The following MCM3AP variants were observed in gnomAD, a reference collection of about 807,000 sequenced individuals.
MCM3AP encodes the protein germinal-center associated nuclear protein.
In MCM3AP, 126 loss-of-function variants were observed where a neutral mutation model predicts 184.1. That is an observed-to-expected ratio of 0.68 (90% CI 0.59 to 0.79). The LOEUF (loss-of-function observed/expected upper bound fraction) is 0.79, where lower values mean the gene tolerates loss of function less well. Ranked by LOEUF, MCM3AP falls within the 30% of genes least tolerant of loss-of-function variation. MCM3AP has a pLI of 0.00. For synonymous variants in MCM3AP, 1,002 were observed against 979.3 expected (o/e 1.02, Z -0.43); for missense variants, 2,496 against 2,479.2 (o/e 1.01, Z -0.14).
In MCM3AP at chr21:46,246,372, G is replaced by A. The variant is rs2080769508; in HGVS notation, c.4582C>T (p.Leu1528=). ...TCGGTAACAGTGTAATCTGAAATCA[G>A]CTTAGCTGAAACCAAGTCCTGTAGC... The part of the protein sequence containing the change: ...LMLQDLVSAK[L]ISDYTVTEIP... Residue 1528 remains leucine (L), a synonymous_variant, in exon 22 of 28, where the codon CTG becomes TTG. Transcript: ENST00000291688. 9.3e-6 allele frequency: 15 copies of A among 1,612,734 alleles called. No homozygotes were observed. Among genetic ancestry groups the A allele is most frequent in the Non-Finnish European group, 1.2e-5 (14 of 1,178,768 alleles).
In MCM3AP at chr21:46,270,409, A is replaced by T. The variant is rs1260483291; in HGVS notation, c.2620T>A (p.Phe874Ile). The change falls in exon 9 of 28, where the codon TTC becomes ATC. Residue 874 changes from phenylalanine (F) to isoleucine (I), a missense_variant. Phe to Ile is a conservative substitution (Grantham distance 21). Transcript: ENST00000291688. Reference sequence around the variant, plus strand: ...ACAGCTCATTTACTCACCTGACTGAAGTAACAGTGTAAAAGACAAGCGTTC... The same window carrying T: ...ACAGCTCATTTACTCACCTGACTGATGTAACAGTGTAAAAGACAAGCGTTC... ...YLNACLLHCY[F>I]SQIRKDALRA... The T allele has an allele frequency of 6.2e-7, 1 of 1,611,812 alleles. No homozygotes were observed. The highest frequency in any genetic ancestry group is 8.5e-7 in the Non-Finnish European group (1 of 1,179,286).
At chr21:46,253,231 T>C (rs2080899815) in intron 19 of MCM3AP, 1 of 152,232 alleles carries the variant, frequency 6.6e-6, no homozygotes, top group Admixed American at 6.5e-5. Flanking sequence ...ATTTTTTCTT[T>C]TTTAAAATGC....
chr21:46,236,770 C>A, intron 27 of MCM3AP, 59 bp downstream of exon 27: 1 of 1,190,280 alleles, frequency 8.4e-7, no homozygotes, highest in South Asian at 1.5e-5. Flanking sequence ...CTTTTTTCCC[C>A]AGCCATTCTC....
At chr21:46,246,266 C>A in intron 22 of MCM3AP, 41 bp downstream of exon 22, 1 of 1,321,436 alleles carries the variant, frequency 7.6e-7, no homozygotes, top group Non-Finnish European at 1.1e-6. Context: ...GGGGAAAAAA[C>A]AAAATATCTT....
rs1432849960 is a variant in MCM3AP, at chr21:46,244,808, C to T, written c.5037G>A (p.Gly1679=). ...QLPQMDLPPL[G]APWLPVCSMV... is the part of the protein sequence containing the mutation. ...GACCTCCCCAGGTCAAGCACGTACC[C>T]CCCAGGGGTGGAAGGTCCATCTGCG... Residue 1679 remains glycine, a splice_region_variant and synonymous_variant, in exon 23 of 28, where the codon GGG becomes GGA. Coordinates refer to ENST00000291688, the MANE Select transcript of MCM3AP (RefSeq NM_003906.5). The T allele has an allele frequency of 6.2e-7, 1 of 1,610,686 alleles. No individual in the cohort carries two copies. The highest frequency in any genetic ancestry group is 2.2e-5 in the East Asian group (1 of 44,848).
At chr21:46,278,940 T>A (rs1340851165) in intron 4 of MCM3AP, among the ~76,000 whole-genome samples, 2 of 47,214 alleles carry the variant, frequency 4.2e-5, no homozygotes, top group Non-Finnish European at 7.8e-5. Context: ...CCCAAAGTGC[T>A]GGGATTACAG....
In MCM3AP at chr21:46,260,905, A is replaced by G. The variant is rs191354648; in HGVS notation, c.3469T>C (p.Leu1157=). The change falls in exon 15 of 28, where the codon TTG becomes CTG. Residue 1157 remains leucine (L), a splice_region_variant and synonymous_variant. Transcript: ENST00000291688. The stretch of plus-strand genomic sequence containing the variant: ...AACACCAGCTCTCTCTCTTGTTTCA[A>G]CCTACAGGGAAGAGAAAAAATACAC... ...QERQRAEEER[L]KQERELVLSE... is the part of the protein sequence containing the mutation. 6 of 1,604,560 alleles carry G rather than the reference A, an allele frequency of 3.7e-6. No individual in the cohort carries two copies. The African/African-American group carries it at 5.3e-5, about 14-fold the overall frequency.
intron 5 of MCM3AP, among the ~76,000 whole-genome samples, chr21:46,276,937 TG>T (rs1237232120): frequency 6.6e-6 from 1 of 151,110 alleles, no homozygotes; most frequent in Non-Finnish European, 1.5e-5. Context: ...ATTGTAGAGA[TG>T]GGGGTTTTGC....
intron 8 of MCM3AP, 80 bp from the exon 9 acceptor site, chr21:46,270,643 TAA>T (rs2081166940): frequency 2.4e-6 from 3 of 1,263,004 alleles, no homozygotes; most frequent in East Asian, 4.8e-5. Context: ...ATCTGATAAA[TAA>T]TAGATTTCAC....
intron 15 of MCM3AP, among the ~76,000 whole-genome samples, chr21:46,259,904 CAAAAAAAA>C (rs58993039): frequency 5.7e-4 from 46 of 80,258 alleles, no homozygotes; most frequent in African/African-American, 2.1e-3. Flanking sequence ...AACTCCATTT[CAAAAAAAA>C]AAAAAAAAAA....
rs35615371 is a variant in MCM3AP, at chr21:46,253,751, G to A, written c.4136+641C>T. The stretch of plus-strand genomic sequence containing the variant: ...GTTAAGTGTGTGGCAACTCACCCTC[G>A]CTGTTCTCATGATAGTGAGCTCTCA... On this transcript the variant is annotated intron_variant, in intron 19 of 27. Transcript: ENST00000291688. 8.7e-3 allele frequency: 1,324 copies of A among 152,378 alleles called. 11 individuals are homozygous for A. Among genetic ancestry groups the A allele is most frequent in the Non-Finnish European group, 0.015 (1,014 of 68,456 alleles). 9.4% of individuals were successfully genotyped at this position (152,378 alleles called of 1,614,324 possible).
rs904630794 is a variant in MCM3AP at position 46,273,520 on chromosome 21, G to A, written c.2064C>T (p.Pro688=). 3 of 1,613,902 alleles carry A rather than the reference G, an allele frequency of 1.9e-6. No homozygotes were observed. In the South Asian group the frequency reaches 3.3e-5, roughly 18 times the overall value. The change falls in exon 7 of 28, where the codon CCC becomes CCT. Residue 688 remains proline (P), a synonymous_variant. Transcript: ENST00000291688. Reference sequence around the variant, plus strand: ...GCACTGGCAAGGGCCGCAGCTCGTGGGGCAGGGGCTCCTCCTGATCCGCCG... The same window carrying A: ...GCACTGGCAAGGGCCGCAGCTCGTGAGGCAGGGGCTCCTCCTGATCCGCCG... ...RSSADQEEPL[P]HELRPLPVLS...
chr21:46,255,232 CAG>C (rs10571945), intron 17 of MCM3AP, among the ~76,000 whole-genome samples: 2,122 of 152,242 alleles, frequency 0.014, 39 homozygotes, highest in African/African-American at 0.038. Flanking sequence ...CTGAAGGAAA[CAG>C]GGGGAGCCAG....
intron 7 of MCM3AP, among the ~76,000 whole-genome samples, chr21:46,273,082 A>G (rs1200861394): frequency 6.6e-6 from 1 of 151,984 alleles, no homozygotes; most frequent in Non-Finnish European, 1.5e-5. Flanking sequence ...GGTTCAAGCA[A>G]TTCTGCTTCA....
chr21:46,265,441 G>C lies in MCM3AP; in HGVS notation c.3114C>G (p.Pro1038=). The C allele has an allele frequency of 6.2e-7, 1 of 1,614,048 alleles. No homozygotes were observed. Among genetic ancestry groups the C allele is most frequent in the Middle Eastern group, 1.7e-4 (1 of 6,058 alleles). Residue 1038 remains proline, a synonymous_variant, in exon 12 of 28, where the codon CCC becomes CCG. Transcript: ENST00000291688. The stretch of plus-strand genomic sequence containing the variant: ...GGACAGGAGGCAGAGGCACTGGTGA[G>C]GGCGCAGGGGCTGGTAGAGACTGTG... The part of the protein sequence containing the change: ...SLPQSLPAPA[P]SPVPLPPVLA...
chr21:46,239,270 C>G (rs1191858089), intron 26 of MCM3AP, among the ~76,000 whole-genome samples: 1 of 152,236 alleles, frequency 6.6e-6, no homozygotes, highest in Non-Finnish European at 1.5e-5. Flanking sequence ...AGGCTGTAAG[C>G]AAGCAAGTGA....
chr21:46,284,170 C>T lies in MCM3AP; in HGVS notation c.1117G>A (p.Asp373Asn), dbSNP rs558797511. The T allele has an allele frequency of 6.2e-7, 1 of 1,614,220 alleles. No individual in the cohort carries two copies. Among genetic ancestry groups the T allele is most frequent in the Admixed American group, 1.7e-5 (1 of 60,018 alleles). The change falls in exon 1 of 28, where the codon GAC (aspartate) becomes AAC (asparagine). Residue 373 changes from aspartate to asparagine, a missense_variant. By Grantham distance (23) the Asp-to-Asn change is conservative (BLOSUM62 1). This residue lies in a region of MCM3AP where 800 missense variants were observed against 717.1 expected (regional missense o/e 1.12). Transcript: ENST00000291688. ...ETGFVESAES[D>N]HMAIPGGNQS... ...TTCCCTCCTGGGATAGCCATGTGGT[C>T]ACTTTCTGCAGACTCAACAAAGCCA...
chr21:46,247,048 C>T (rs1413629137), intron 20 of MCM3AP, 162 bp from the exon 21 acceptor site: 7 of 622,896 alleles, frequency 1.1e-5, no homozygotes, highest in Admixed American at 2.9e-5. Context: ...CTGTAGTTAT[C>T]TTACTTCCTG....
intron 16 of MCM3AP, among the ~76,000 whole-genome samples, chr21:46,258,180 C>T (rs1487209579): frequency 6.6e-6 from 1 of 152,222 alleles, no homozygotes; most frequent in East Asian, 1.9e-4. Context: ...GCAGCTGCTG[C>T]TCGCACAATG....
Sources: gnomAD v4.1 joint callset for allele counts (sites outside exome capture counted in the v4.1 genomes callset) on GRCh38, gnomAD v4.1.1 for gene constraint, gnomAD v4.1.1 regional missense constraint, MANE v1.5 for transcripts, NCBI Gene and HGNC (gene_info 2026-07-23, HGNC 2026-07-21) for gene names.